TRIM44: variants seen among roughly 807,000 people sequenced by gnomAD.
The protein encoded by TRIM44 is tripartite motif containing 44.
A neutral mutation model predicts 37.4 loss-of-function variants in TRIM44; 13 were observed. The observed-to-expected ratio is 0.35, with a 90% confidence interval of 0.23 to 0.55. The LOEUF (loss-of-function observed/expected upper bound fraction) is 0.55, where lower values mean the gene tolerates loss of function less well. Ranked by LOEUF, TRIM44 falls within the 20% of genes least tolerant of loss-of-function variation. TRIM44 has a pLI of 0.89. For missense variants in TRIM44, 426 were observed against 437.2 expected, an observed-to-expected ratio of 0.97 and a Z score of 0.23; for synonymous variants, 175 against 157.2, an observed-to-expected ratio of 1.11 and a Z score of -0.85.
At chr11:35,737,182 C>T (rs760027615) in intron 4 of TRIM44, among the ~76,000 whole-genome samples, 3 of 152,118 alleles carry the variant, frequency 2.0e-5, no homozygotes, top group Non-Finnish European at 4.4e-5. Context: ...AATTGTGTGC[C>T]AGTTCCAGAC....
At chr11:35,757,562 G>T (rs1333416710) in intron 4 of TRIM44, among the ~76,000 whole-genome samples, 2 of 152,094 alleles carry the variant, frequency 1.3e-5, no homozygotes, top group East Asian at 1.9e-4. Context: ...GTTTGCTCTT[G>T]CTTCTCTAGT....
At chr11:35,777,914 G>A (rs1852995499) in intron 4 of TRIM44, among the ~76,000 whole-genome samples, 1 of 152,152 alleles carries the variant, frequency 6.6e-6, no homozygotes, top group African/African-American at 2.4e-5. Context: ...CAGCTTTGGT[G>A]AGTCTGACAA....
chr11:35,756,224 C>T (rs1037647360), intron 4 of TRIM44, among the ~76,000 whole-genome samples: 87 of 152,168 alleles, frequency 5.7e-4, no homozygotes, highest in African/African-American at 2.0e-3. Flanking sequence ...CCTTCACATC[C>T]CTTGTAAGTT....
intron 4 of TRIM44, among the ~76,000 whole-genome samples, chr11:35,764,340 G>A (rs571487361): frequency 2.6e-5 from 4 of 152,298 alleles, no homozygotes; most frequent in South Asian, 4.1e-4. Context: ...AATTGCCTCT[G>A]ATAAACCCAG....
At chr11:35,667,704 T>C (rs1388505209) in intron 1 of TRIM44, among the ~76,000 whole-genome samples, 1 of 152,180 alleles carries the variant, frequency 6.6e-6, no homozygotes, top group African/African-American at 2.4e-5. Flanking sequence ...CCTTCAGGTG[T>C]GTGTTTCTGC....
intron 4 of TRIM44, among the ~76,000 whole-genome samples, chr11:35,795,623 G>C (rs1853273041): frequency 6.6e-6 from 1 of 152,102 alleles, no homozygotes; most frequent in Admixed American, 6.5e-5. Flanking sequence ...ACTTGAGAAG[G>C]AATCTTTAGC....
rs1007291129 is a variant in TRIM44, at chr11:35,663,064, G to A, written c.-48G>A. ...GGAAGTGAGGCCGCGCGGAAGGAAG[G>A]CGGCGAGCCCCGGGGCCCCGAGGCC... On this transcript the variant is annotated 5_prime_UTR_variant, in exon 1 of 5. Transcript: ENST00000299413. 1.2e-5 allele frequency: 17 copies of A among 1,472,888 alleles called. No individual in the cohort carries two copies. The highest frequency in any genetic ancestry group is 1.4e-5 in the African/African-American group (1 of 70,858). The allele number at this position is 1,472,888 out of a possible 1,614,324, so 91.2% of individuals were successfully genotyped here.
At chr11:35,696,574 C>A (rs988974144) in intron 2 of TRIM44, among the ~76,000 whole-genome samples, 3 of 151,756 alleles carry the variant, frequency 2.0e-5, no homozygotes, top group Non-Finnish European at 4.4e-5. Context: ...AAAGGCCAAG[C>A]GCAGTGGCTC....
At chr11:35,760,795 G>A (rs1359227347) in intron 4 of TRIM44, among the ~76,000 whole-genome samples, 2 of 152,148 alleles carry the variant, frequency 1.3e-5, no homozygotes, top group Non-Finnish European at 2.9e-5. Flanking sequence ...TTTTTATAGT[G>A]AGAGCACTTA....
chr11:35,725,058 G>GCACACACA (rs373473803), intron 2 of TRIM44, among the ~76,000 whole-genome samples: 15 of 107,372 alleles, frequency 1.4e-4, no homozygotes, highest in African/African-American at 6.7e-4. Context: ...TAGGAGACAT[G>GCACACACA]CACACACTCA....
At position 35,663,211 on chromosome 11, in the gene TRIM44, C is replaced by G. The variant is rs373205820; in HGVS notation, c.100C>G (p.Arg34Gly). The change falls in exon 1 of 5, where the codon CGA becomes GGA. Residue 34 changes from arginine (R) to glycine (G), a missense_variant. By Grantham distance (125) the Arg-to-Gly change is moderately radical. Transcript: ENST00000299413. ...GGCTCCGGGGGCCGAGGAAGTGTGC[C>G]GAGAATGCGGCTTCTGCTACTGCCG... is the stretch of plus-strand genomic sequence containing the variant. Reference protein sequence around the residue: ...DEAPGAEEVCRECGFCYCRRH... With the variant: ...DEAPGAEEVCGECGFCYCRRH... 2.1e-5 allele frequency: 33 copies of G among 1,602,276 alleles called. No individual in the cohort carries two copies. Among genetic ancestry groups the G allele is most frequent in the South Asian group, 1.5e-4 (13 of 89,426 alleles).
At chr11:35,743,557 C>G (rs1223388713) in intron 4 of TRIM44, among the ~76,000 whole-genome samples, 1 of 152,212 alleles carries the variant, frequency 6.6e-6, no homozygotes, top group Non-Finnish European at 1.5e-5. Flanking sequence ...AACTAAGCAA[C>G]TGAGGTAAAG....
intron 4 of TRIM44, among the ~76,000 whole-genome samples, chr11:35,736,343 A>G (rs373481908): frequency 7.9e-5 from 12 of 152,152 alleles, no homozygotes; most frequent in East Asian, 1.9e-4. Flanking sequence ...AACTTTCTCT[A>G]TTCTTCAAAA....
At chr11:35,691,901 T>C (rs578256327) in intron 2 of TRIM44, among the ~76,000 whole-genome samples, 36 of 152,302 alleles carry the variant, frequency 2.4e-4, no homozygotes, top group African/African-American at 7.0e-4. Context: ...TGTCTTGGCC[T>C]CCCAAAGTGC....
chr11:35,724,402 A>G (rs1216121647), intron 2 of TRIM44: 7 of 152,186 alleles, frequency 4.6e-5, no homozygotes, highest in Non-Finnish European at 1.0e-4. Context: ...TATCTGTAAA[A>G]GGAAGGGGTT....
intron 2 of TRIM44, among the ~76,000 whole-genome samples, chr11:35,697,583 C>A (rs990896663): frequency 3.3e-5 from 5 of 151,614 alleles, no homozygotes; most frequent in African/African-American, 1.2e-4. Context: ...AGGTATATCT[C>A]CTAATGCTAT....
chr11:35,694,544 C>T (rs1348503418), intron 2 of TRIM44, among the ~76,000 whole-genome samples: 1 of 151,356 alleles, frequency 6.6e-6, no homozygotes, highest in Non-Finnish European at 1.5e-5. Context: ...CAACAGACCC[C>T]CTTTTCATTT....
At chr11:35,800,180 A>C (rs1853347409) in intron 4 of TRIM44, among the ~76,000 whole-genome samples, 1 of 152,154 alleles carries the variant, frequency 6.6e-6, no homozygotes, top group Non-Finnish European at 1.5e-5. Flanking sequence ...TCTTCCTTCC[A>C]GTGGGTTTGT....
At chr11:35,792,072 TACACACACACACACACACACAC>T (rs57127722) in intron 4 of TRIM44, among the ~76,000 whole-genome samples, 6 of 136,696 alleles carry the variant, frequency 4.4e-5, no homozygotes, top group South Asian at 2.3e-4. Flanking sequence ...GAGTTGCCCC[TACACACACACACACACACACAC>T]ACACACACAC....
Sources: gnomAD v4.1 joint callset for allele counts (sites outside exome capture counted in the v4.1 genomes callset) on GRCh38, gnomAD v4.1.1 for gene constraint, MANE v1.5 for transcripts, NCBI Gene and HGNC (gene_info 2026-07-23, HGNC 2026-07-21) for gene names.